Variants in UGT1A10 observed in about 807,000 individuals in gnomAD.
UGT1A10 encodes the protein UDP glucuronosyltransferase family 1 member A10, also known as UDP-glucuronosyltransferase 1A10.
In UGT1A10, 49 loss-of-function variants were observed where a neutral mutation model predicts 45.8. The observed-to-expected ratio is 1.07, with a 90% CI of 0.85 to 1.36. UGT1A10 has a LOEUF of 1.36. Among genes scored for constraint, UGT1A10 ranks in the 40% most tolerant of loss-of-function variants. The pLI is 0.00. For synonymous variants in UGT1A10, 284 were observed against 249.7 expected, an observed-to-expected ratio of 1.14 and a Z score of -1.29; for missense variants, 745 against 668.6, an observed-to-expected ratio of 1.11 and a Z score of -1.26.
chr2:233,700,892 T>G (rs1471650676), intron 1 of UGT1A10, among the ~76,000 whole-genome samples: 1 of 151,456 alleles, frequency 6.6e-6, no homozygotes, highest in African/African-American at 2.4e-5. Context: ...CCCACAACAG[T>G]CCCCGGTGTG....
At chr2:233,755,897 A>G (rs577722637) in intron 1 of UGT1A10, 1 of 152,230 alleles carries the variant, frequency 6.6e-6, no homozygotes, top group South Asian at 2.1e-4. Flanking sequence ...TTTTTTTGAG[A>G]CAAAATGTAG....
At chr2:233,663,565 C>T (rs1327569711) in intron 1 of UGT1A10, among the ~76,000 whole-genome samples, 3 of 152,126 alleles carry the variant, frequency 2.0e-5, no homozygotes, top group Non-Finnish European at 4.4e-5. Flanking sequence ...GGGTCAGAAT[C>T]TCGTAACCTC....
chr2:233,732,435 G>T (rs1198831061), intron 1 of UGT1A10, among the ~76,000 whole-genome samples: 2 of 152,234 alleles, frequency 1.3e-5, no homozygotes, highest in Admixed American at 6.5e-5. Flanking sequence ...GGATTTTTAT[G>T]GTTTTAGGTC....
In UGT1A10 at chr2:233,719,747, A is replaced by G. The variant is rs146266651; in HGVS notation, c.856-47287A>G. 35 of 1,612,826 alleles carry G rather than the reference A, an allele frequency of 2.2e-5. No homozygotes were observed. The East Asian group carries it at 7.4e-4, about 34-fold the overall frequency. ...AGGCAAAACACTTTTTAAAAAATGT[A>G]TTTACTTACAAGTGCTTCCATATCT... On this transcript the variant is annotated intron_variant, in intron 1 of 4. Transcript: ENST00000344644.
Position 233,769,845 on chromosome 2 carries a change from G to T in UGT1A10, c.1295+1406G>T. ...ACTCCAGCAACCTGGGCAACAGAGT[G>T]AGACCCTGTCTCAAAAAAAAAAAAA... On this transcript the variant is annotated intron_variant, in intron 4 of 4. Transcript: ENST00000344644. This position sits in a 1 kb window ranked among gnomAD's most constrained non-coding sequence, Gnocchi z 4.4. The T allele has an allele frequency of 6.0e-6, 3 of 503,862 alleles. No individual in the cohort carries two copies. The highest frequency in any genetic ancestry group is 6.3e-6 in the Non-Finnish European group (2 of 319,128). 31.2% of individuals were successfully genotyped at this position (503,862 alleles called of 1,614,324 possible).
At chr2:233,701,446 G>T (rs1417753251) in intron 1 of UGT1A10, among the ~76,000 whole-genome samples, 5 of 152,056 alleles carry the variant, frequency 3.3e-5, no homozygotes, top group Non-Finnish European at 7.4e-5. Context: ...GAGACAGAAA[G>T]TTAACAAGGA....
intron 1 of UGT1A10, chr2:233,718,132 G>GTGGTCGCCGT: frequency 4.2e-6 from 1 of 238,638 alleles, no homozygotes; most frequent in Non-Finnish European, 8.7e-6. Flanking sequence ...GGTGTAGATG[G>GTGGTCGCCGT]AGAATCCTCA....
intron 1 of UGT1A10, chr2:233,717,836 C>G (rs2076610454): frequency 6.6e-6 from 3 of 455,170 alleles, no homozygotes; most frequent in Non-Finnish European, 1.3e-5. Flanking sequence ...TCTGGAGGAA[C>G]CATTCTTATC....
At position 233,772,328 on chromosome 2, in the gene UGT1A10, G is replaced by A. The variant is rs1288878731; in HGVS notation, c.1362G>A (p.Leu454=). 2 of 1,614,180 alleles carry A rather than the reference G, an allele frequency of 1.2e-6. No individual in the cohort carries two copies. The highest frequency in any genetic ancestry group is 1.7e-6 in the Non-Finnish European group (2 of 1,180,040). The change falls in exon 5 of 5, where the codon CTG becomes CTA. Residue 454 remains leucine (L), a synonymous_variant. Coordinates refer to ENST00000344644, the MANE Select transcript of UGT1A10 (RefSeq NM_019075.4). ...HKDRPVEPLD[L]AVFWVEFVMR... is the part of the protein sequence containing the mutation. ...ACCGCCCGGTGGAGCCGCTGGACCT[G>A]GCCGTGTTCTGGGTGGAGTTTGTGA...
intron 1 of UGT1A10, among the ~76,000 whole-genome samples, chr2:233,678,285 A>T (rs2074413420): frequency 6.6e-6 from 1 of 152,224 alleles, no homozygotes; most frequent in African/African-American, 2.4e-5. Flanking sequence ...GGTAACCTGC[A>T]CATGTACTCC....
In UGT1A10 at chr2:233,682,932, C is replaced by T. The variant is rs935120253; in HGVS notation, c.855+45555C>T. 4 of 1,451,804 alleles carry T rather than the reference C, an allele frequency of 2.8e-6. No homozygotes were observed. In the African/African-American group the frequency reaches 5.7e-5, roughly 21 times the overall value. The allele number at this position is 1,451,804 out of a possible 1,614,324, so 89.9% of individuals were successfully genotyped here. Reference sequence around the variant, plus strand: ...TTTAAGGAATTCTTTTGTACCAATTCACTTAATTGTTGGGTAGCAAATTGT... The same window carrying T: ...TTTAAGGAATTCTTTTGTACCAATTTACTTAATTGTTGGGTAGCAAATTGT... On this transcript the variant is annotated intron_variant, in intron 1 of 4. Coordinates refer to ENST00000344644, the MANE Select transcript of UGT1A10 (RefSeq NM_019075.4).
intron 1 of UGT1A10, chr2:233,672,339 A>G: frequency 6.2e-7 from 1 of 1,614,172 alleles, no homozygotes; most frequent in Non-Finnish European, 8.5e-7. Flanking sequence ...AATTAGTAGA[A>G]TACTTAAAGG....
In UGT1A10 at chr2:233,768,235, G is replaced by A. The variant is rs374047963; in HGVS notation, c.1091G>A (p.Arg364His). ...QNDLLGHPMT[R>H]AFITHAGSHG... ...TGCATCTCAGGTCACCCGATGACCC[G>A]TGCCTTTATCACCCATGCTGGTTCC... Residue 364 changes from arginine (R) to histidine (H), a missense_variant, in exon 4 of 5, where the codon CGT becomes CAT. Physicochemically the swap from Arg to His is conservative, Grantham distance 29. Transcript: ENST00000344644. 3.8e-5 allele frequency: 62 copies of A among 1,614,018 alleles called. No homozygotes were observed. The highest frequency in any genetic ancestry group is 1.6e-4 in the Middle Eastern group (1 of 6,084).
At chr2:233,728,633 A>G (rs1305532869) in intron 1 of UGT1A10, among the ~76,000 whole-genome samples, 1 of 152,194 alleles carries the variant, frequency 6.6e-6, no homozygotes, top group Non-Finnish European at 1.5e-5. Flanking sequence ...CTGGCTTAGC[A>G]ATGTTGTATG....
chr2:233,700,698 T>C (rs1450440391), intron 1 of UGT1A10, among the ~76,000 whole-genome samples: 1 of 152,108 alleles, frequency 6.6e-6, no homozygotes, highest in Non-Finnish European at 1.5e-5. Context: ...AAACTACACT[T>C]TGAATGTTTT....
intron 1 of UGT1A10, among the ~76,000 whole-genome samples, chr2:233,694,699 C>T (rs1279284041): frequency 6.6e-6 from 1 of 152,312 alleles, no homozygotes; most frequent in East Asian, 1.9e-4. Context: ...CCTTACCTCT[C>T]TTCTTTACAC....
At chr2:233,732,556 A>G (rs1170205117) in intron 1 of UGT1A10, among the ~76,000 whole-genome samples, 1 of 152,226 alleles carries the variant, frequency 6.6e-6, no homozygotes, top group African/African-American at 2.4e-5. Context: ...CATTTATTAA[A>G]TAAGGAATCC....
At chr2:233,663,062 A>G (rs1296161842) in intron 1 of UGT1A10, among the ~76,000 whole-genome samples, 1 of 152,138 alleles carries the variant, frequency 6.6e-6, no homozygotes, top group African/African-American at 2.4e-5. Context: ...TGTGCAACCA[A>G]CACCACCATT....
chr2:233,693,741 T>C, intron 1 of UGT1A10: 1 of 1,614,246 alleles, frequency 6.2e-7, no homozygotes, highest in Non-Finnish European at 8.5e-7. Flanking sequence ...ATAATCACCT[T>C]ATATCAGAAG....
Sources: gnomAD v4.1 joint callset for allele counts (sites outside exome capture counted in the v4.1 genomes callset) on GRCh38, gnomAD v4.1.1 for gene constraint, Gnocchi (gnomAD v3.1) non-coding constraint, MANE v1.5 for transcripts, NCBI Gene and HGNC (gene_info 2026-07-23, HGNC 2026-07-21) for gene names.